Variants in PDLIM5 observed in about 807,000 individuals in gnomAD.
The protein encoded by PDLIM5 is PDZ and LIM domain 5.
A neutral mutation model predicts 64.2 loss-of-function variants in PDLIM5; 34 were observed. The ratio of observed to expected loss-of-function variants is 0.53; its 90% CI spans 0.40 to 0.71. The LOEUF (loss-of-function observed/expected upper bound fraction) is 0.71. Ranked by LOEUF, PDLIM5 falls within the 30% of genes least tolerant of loss-of-function variation. The pLI is 0.00. For synonymous variants in PDLIM5, 253 were observed against 269.1 expected (o/e 0.94, Z 0.59); for missense variants, 683 against 733.6 (o/e 0.93, Z 0.80).
chr4:94,630,766 A>G (rs1390087142), intron 8 of PDLIM5, among the ~76,000 whole-genome samples: 2 of 152,184 alleles, frequency 1.3e-5, no homozygotes, highest in South Asian at 4.1e-4. Flanking sequence ...ATCAAAATGT[A>G]TTTTATAGTT....
At chr4:94,527,723 A>C (rs1043617906) in intron 3 of PDLIM5, among the ~76,000 whole-genome samples, 5 of 152,240 alleles carry the variant, frequency 3.3e-5, no homozygotes, top group Non-Finnish European at 5.9e-5. Context: ...ACAAAATTGC[A>C]CTACAGAGTG....
intron 2 of PDLIM5, among the ~76,000 whole-genome samples, chr4:94,513,666 A>G (rs1458988533): frequency 6.6e-6 from 1 of 152,192 alleles, no homozygotes; most frequent in Non-Finnish European, 1.5e-5. Context: ...TCATCTGCAA[A>G]TAAGGATAAT....
chr4:94,556,410 G>T (rs1578368419), intron 3 of PDLIM5, among the ~76,000 whole-genome samples: 1 of 152,238 alleles, frequency 6.6e-6, no homozygotes, highest in Middle Eastern at 3.4e-3. Context: ...TAATCCTTTG[G>T]TTATATACCC....
chr4:94,584,863 G>T, intron 5 of PDLIM5: 1 of 654,196 alleles, frequency 1.5e-6, no homozygotes, highest in East Asian at 2.8e-5. Flanking sequence ...ATTTCAAGAA[G>T]TTTGATTTTG....
intron 7 of PDLIM5, among the ~76,000 whole-genome samples, chr4:94,608,648 C>A (rs955049533): frequency 2.0e-5 from 3 of 152,082 alleles, no homozygotes; most frequent in African/African-American, 7.2e-5. Context: ...ATTACCGTTT[C>A]CTTTTCTTCC....
At chr4:94,507,489 T>G (rs1460005581) in intron 2 of PDLIM5, among the ~76,000 whole-genome samples, 1 of 152,184 alleles carries the variant, frequency 6.6e-6, no homozygotes, top group Non-Finnish European at 1.5e-5. Context: ...TGTGAACCTG[T>G]GAGATCAAAC....
chr4:94,460,876 C>T (rs1259206279), intron 2 of PDLIM5, among the ~76,000 whole-genome samples: 1 of 152,132 alleles, frequency 6.6e-6, no homozygotes, highest in Non-Finnish European at 1.5e-5. Flanking sequence ...AAAAAGTATA[C>T]AGGTAGATTT....
chr4:94,568,680 A>C (rs1045584498), intron 3 of PDLIM5, among the ~76,000 whole-genome samples: 10 of 152,220 alleles, frequency 6.6e-5, no homozygotes, highest in Non-Finnish European at 1.3e-4. Flanking sequence ...TAAATGTAGA[A>C]TTACAGCAAT....
At chr4:94,611,866 C>G (rs1738390349) in intron 7 of PDLIM5, among the ~76,000 whole-genome samples, 1 of 152,126 alleles carries the variant, frequency 6.6e-6, no homozygotes, top group Non-Finnish European at 1.5e-5. Flanking sequence ...CCTGATATAA[C>G]TAGGCTGTCT....
In PDLIM5 at chr4:94,520,705, C is replaced by T. The variant is rs189281740; in HGVS notation, c.97-3019C>T. Reference sequence around the variant, plus strand: ...ATTGGGCATTTCCCACTATGTATAGCATTGGTTCAAGCTGATCATGCCCTT... The same window carrying T: ...ATTGGGCATTTCCCACTATGTATAGTATTGGTTCAAGCTGATCATGCCCTT... On this transcript the variant is annotated intron_variant, in intron 2 of 12. Transcript: ENST00000317968. 3.8e-3 allele frequency among the ~76,000 whole-genome samples: 572 copies of T among 152,238 alleles called. 2 individuals carry two copies. Among genetic ancestry groups the T allele is most frequent in the African/African-American group, 0.013 (543 of 41,544 alleles).
At chr4:94,554,797 C>A (rs557822925) in intron 3 of PDLIM5, among the ~76,000 whole-genome samples, 1 of 152,166 alleles carries the variant, frequency 6.6e-6, no homozygotes, top group Admixed American at 6.5e-5. Flanking sequence ...CATTCTATAT[C>A]TATATATATC....
intron 3 of PDLIM5, 135 bp downstream of exon 3, chr4:94,524,010 C>G (rs1239039166): frequency 5.1e-6 from 3 of 590,682 alleles, no homozygotes; most frequent in Non-Finnish European, 9.0e-6. Context: ...TATAATGGCT[C>G]TTAAATTGGA....
chr4:94,630,602 T>A (rs961680535), intron 8 of PDLIM5, among the ~76,000 whole-genome samples: 1 of 152,110 alleles, frequency 6.6e-6, no homozygotes, highest in African/African-American at 2.4e-5. Context: ...CTCAAACTCC[T>A]GACCTCAAGT....
rs1453262184 is a variant in PDLIM5, at chr4:94,509,357, C to A, written c.97-14367C>A. On this transcript the variant is annotated intron_variant, in intron 2 of 12. Coordinates refer to ENST00000317968, the MANE Select transcript of PDLIM5 (RefSeq NM_006457.5). Reference sequence around the variant, plus strand: ...GCTCTATTTTTCTTTTGTAGTACATCTTTTACTTCCAGACATTTTATTACA... The same window carrying A: ...GCTCTATTTTTCTTTTGTAGTACATATTTTACTTCCAGACATTTTATTACA... 4.6e-5 allele frequency among the ~76,000 whole-genome samples: 7 copies of A among 152,110 alleles called. No individual in the cohort carries two copies. The East Asian group carries it at 1.4e-3, about 29-fold the overall frequency.
chr4:94,484,271 T>C (rs1471802462), intron 2 of PDLIM5, among the ~76,000 whole-genome samples: 3 of 152,204 alleles, frequency 2.0e-5, no homozygotes, highest in Non-Finnish European at 4.4e-5. Context: ...AATTAAGTAA[T>C]AGCTGAAAAC....
Position 94,587,015 on chromosome 4 carries a change from G to A in PDLIM5, c.920+571G>A, listed in dbSNP as rs773104022. 7.9e-6 allele frequency: 12 copies of A among 1,519,140 alleles called. No homozygotes were observed. In the East Asian group the frequency reaches 2.7e-4, roughly 34 times the overall value. The allele number at this position is 1,519,140 out of a possible 1,614,324, so 94.1% of individuals were successfully genotyped here. A position where few individuals can be genotyped will look rare whatever the true frequency, so the allele number is the denominator to read the frequency against. ...GAAAAGATACCCCTTCACGTCTTTAGTCCCAAATACACAAAATTACGTGAC... is the reference window on the plus strand; with the variant it reads ...GAAAAGATACCCCTTCACGTCTTTAATCCCAAATACACAAAATTACGTGAC... On this transcript the variant is annotated intron_variant, in intron 7 of 12. Coordinates refer to ENST00000317968, the MANE Select transcript of PDLIM5 (RefSeq NM_006457.5).
At chr4:94,498,940 G>T (rs959506385) in intron 2 of PDLIM5, among the ~76,000 whole-genome samples, 1 of 152,078 alleles carries the variant, frequency 6.6e-6, no homozygotes, top group African/African-American at 2.4e-5. Flanking sequence ...CAAACAATAG[G>T]TATAAAAGCT....
At chr4:94,656,563 A>T (rs1373493951) in intron 10 of PDLIM5, among the ~76,000 whole-genome samples, 1 of 149,184 alleles carries the variant, frequency 6.7e-6, no homozygotes, top group Non-Finnish European at 1.5e-5. Context: ...ATTACATTAT[A>T]TACATTTATA....
At chr4:94,460,073 C>T (rs935454345) in intron 2 of PDLIM5, among the ~76,000 whole-genome samples, 1 of 152,176 alleles carries the variant, frequency 6.6e-6, no homozygotes, top group Non-Finnish European at 1.5e-5. Flanking sequence ...CTCCAAGCTA[C>T]CCTGTCATTA....
Sources: gnomAD v4.1 joint callset for allele counts (sites outside exome capture counted in the v4.1 genomes callset) on GRCh38, gnomAD v4.1.1 for gene constraint, MANE v1.5 for transcripts, NCBI Gene and HGNC (gene_info 2026-07-23, HGNC 2026-07-21) for gene names.